The following ATRNL1 variants were observed in gnomAD, a reference collection of about 807,000 sequenced individuals.
ATRNL1 encodes attractin-like protein 1.
In ATRNL1, 95 loss-of-function variants were observed where a neutral mutation model predicts 182.7. The ratio of observed to expected loss-of-function variants is 0.52; its 90% confidence interval spans 0.44 to 0.62. ATRNL1 has a LOEUF of 0.62. ATRNL1 is among the 20% of genes least tolerant of loss of function. The pLI is 0.00. For missense variants in ATRNL1, 1,471 were observed against 1,679.5 expected (o/e 0.88, Z 2.17); for synonymous variants, 576 against 568.3 (o/e 1.01, Z -0.19).
chr10:115,510,979 A>G (rs1328978381), intron 24 of ATRNL1, among the ~76,000 whole-genome samples: 22 of 151,988 alleles, frequency 1.4e-4, no homozygotes, highest in Non-Finnish European at 2.9e-4. Flanking sequence ...TTCATTAGGC[A>G]TGTGTTTGCT....
chr10:115,314,397 T>A (rs1034212111), intron 17 of ATRNL1, among the ~76,000 whole-genome samples: 1 of 152,182 alleles, frequency 6.6e-6, no homozygotes, highest in African/African-American at 2.4e-5. Flanking sequence ...TTTGTAGTTT[T>A]CTTAGGAATG....
At chr10:115,641,675 A>C (rs782428490) in intron 26 of ATRNL1, among the ~76,000 whole-genome samples, 4 of 152,168 alleles carry the variant, frequency 2.6e-5, no homozygotes, top group Non-Finnish European at 5.9e-5. Flanking sequence ...AACATTAGCT[A>C]GCAACATGCT....
At chr10:115,513,559 T>C (rs1193819032) in intron 24 of ATRNL1, among the ~76,000 whole-genome samples, 3 of 152,040 alleles carry the variant, frequency 2.0e-5, no homozygotes, top group African/African-American at 4.8e-5. Flanking sequence ...AGTGATTTAT[T>C]TGATATATGC....
intron 19 of ATRNL1, among the ~76,000 whole-genome samples, chr10:115,376,752 T>G (rs1463088766): frequency 1.3e-5 from 2 of 152,224 alleles, no homozygotes; most frequent in African/African-American, 4.8e-5. Flanking sequence ...TCTGGATGTC[T>G]GTAACCTTCC....
intron 26 of ATRNL1, among the ~76,000 whole-genome samples, chr10:115,662,047 C>CA (rs1860727164): frequency 6.6e-6 from 1 of 151,684 alleles, no homozygotes; most frequent in Non-Finnish European, 1.5e-5. Flanking sequence ...TTTGTCCTTG[C>CA]AATACTTTGC....
At chr10:115,194,752 TG>T in intron 8 of ATRNL1, among the ~76,000 whole-genome samples, 1 of 152,126 alleles carries the variant, frequency 6.6e-6, no homozygotes, top group South Asian at 2.1e-4. Context: ...CTGGTCATTT[TG>T]TTGGTCTTTC....
chr10:115,362,789 C>T (rs1410485886), intron 19 of ATRNL1, among the ~76,000 whole-genome samples: 5 of 151,032 alleles, frequency 3.3e-5, no homozygotes, highest in African/African-American at 4.9e-5. Context: ...TTTGTTCTTG[C>T]GATAGTTTAC....
At chr10:115,467,519 T>A (rs192294718) in intron 23 of ATRNL1, among the ~76,000 whole-genome samples, 323 of 150,958 alleles carry the variant, frequency 2.1e-3, no homozygotes, top group Non-Finnish European at 4.4e-3. Context: ...TAAAATGTGA[T>A]TTTAATTAAG....
intron 28 of ATRNL1, among the ~76,000 whole-genome samples, chr10:115,901,983 A>G (rs1952368444): frequency 6.6e-6 from 1 of 152,190 alleles, no homozygotes; most frequent in African/African-American, 2.4e-5. Context: ...GCAAAATGTA[A>G]TAATAGGGTA....
At chr10:115,572,717 TAA>T (rs1325662053) in intron 26 of ATRNL1, among the ~76,000 whole-genome samples, 1 of 152,230 alleles carries the variant, frequency 6.6e-6, no homozygotes, top group Non-Finnish European at 1.5e-5. Context: ...GCTGAATCTA[TAA>T]GTTTCCTAAT....
At chr10:115,518,297 C>T (rs1445270957) in intron 24 of ATRNL1, among the ~76,000 whole-genome samples, 1 of 151,842 alleles carries the variant, frequency 6.6e-6, no homozygotes, top group Non-Finnish European at 1.5e-5. Context: ...GGAGGGAAAA[C>T]TCATTCCTTT....
chr10:115,211,708 C>T (rs1372360285), intron 8 of ATRNL1, among the ~76,000 whole-genome samples: 1 of 151,234 alleles, frequency 6.6e-6, no homozygotes, highest in Non-Finnish European at 1.5e-5. Flanking sequence ...GTGTGCTGTA[C>T]CCATTAACTC....
chr10:115,603,834 C>T (rs571183960), intron 26 of ATRNL1, among the ~76,000 whole-genome samples: 27 of 152,234 alleles, frequency 1.8e-4, no homozygotes, highest in Middle Eastern at 3.4e-3. Flanking sequence ...TTCATTAGTT[C>T]AGATAGGCTG....
At chr10:115,711,603 G>A (rs999806183) in intron 26 of ATRNL1, among the ~76,000 whole-genome samples, 1 of 152,138 alleles carries the variant, frequency 6.6e-6, no homozygotes, top group East Asian at 1.9e-4. Flanking sequence ...GTTTATTTGG[G>A]CAGGAGGCGA....
At chr10:115,344,590 TG>T in intron 19 of ATRNL1, among the ~76,000 whole-genome samples, 1 of 152,268 alleles carries the variant, frequency 6.6e-6, no homozygotes, top group South Asian at 2.1e-4. Context: ...GTCCTAAAAT[TG>T]GGGATCCCAA....
chr10:115,843,349 G>T (rs1279579050), intron 27 of ATRNL1, among the ~76,000 whole-genome samples: 1 of 152,162 alleles, frequency 6.6e-6, no homozygotes, highest in Admixed American at 6.6e-5. Context: ...CAAGGAGCTT[G>T]ATCCAGTGGG....
At chr10:115,623,052 T>A (rs1592963911) in intron 26 of ATRNL1, among the ~76,000 whole-genome samples, 1 of 152,314 alleles carries the variant, frequency 6.6e-6, no homozygotes, top group East Asian at 1.9e-4. Flanking sequence ...CGTCATTGTA[T>A]TTTTAAAAAT....
intron 26 of ATRNL1, among the ~76,000 whole-genome samples, chr10:115,566,108 T>TA (rs1565171541): frequency 6.6e-6 from 1 of 152,090 alleles, no homozygotes; most frequent in Non-Finnish European, 1.5e-5. Context: ...TTCTTTTTTT[T>TA]ATTATTATTG....
chr10:115,650,289 A>G (rs1176003370), intron 26 of ATRNL1, among the ~76,000 whole-genome samples: 1 of 152,106 alleles, frequency 6.6e-6, no homozygotes, highest in Non-Finnish European at 1.5e-5. Flanking sequence ...CAGAGCTGAC[A>G]CGATTGGACA....
Sources: allele counts gnomAD v4.1 joint callset (sites outside exome capture counted in the v4.1 genomes callset), GRCh38; gene constraint gnomAD v4.1.1; transcripts MANE v1.5; gene names NCBI Gene and HGNC (gene_info 2026-07-23, HGNC 2026-07-21).